The following CRISP1 variants were observed in gnomAD, a reference collection of about 807,000 sequenced individuals.
CRISP1 encodes the protein cysteine rich secretory protein 1, also known as cysteine-rich secretory protein 1.
CRISP1 carries 44 observed loss-of-function variants against 33.1 expected under a neutral mutation model. The observed-to-expected ratio is 1.33, with a 90% CI of 1.05 to 1.71. The LOEUF (loss-of-function observed/expected upper bound fraction) is 1.71. Ranked by LOEUF, CRISP1 falls within the 40% of genes most tolerant of loss-of-function variation. The pLI, the probability that CRISP1 is intolerant of heterozygous loss-of-function variation, is 0.00. For synonymous variants in CRISP1, 103 were observed against 98.7 expected, an observed-to-expected ratio of 1.04 and a Z score of -0.26; for missense variants, 390 against 301.2, an observed-to-expected ratio of 1.29 and a Z score of -2.18.
chr6:49,864,392 GTGT>G (rs1771742399), intron 1 of CRISP1, among the ~76,000 whole-genome samples: 1 of 148,076 alleles, frequency 6.8e-6, no homozygotes, highest in Non-Finnish European at 1.5e-5. Context: ...CACTGTGTGT[GTGT>G]GTGTGTGTGT....
chr6:49,842,374 T>C (rs1358749789), intron 5 of CRISP1, among the ~76,000 whole-genome samples: 1 of 152,208 alleles, frequency 6.6e-6, no homozygotes, highest in Non-Finnish European at 1.5e-5. Context: ...TCTATATTAA[T>C]TGGTAATAAG....
upstream of CRISP1, among the ~76,000 whole-genome samples, chr6:49,869,549 C>T (rs1008333610): frequency 6.6e-6 from 1 of 152,162 alleles, no homozygotes; most frequent in African/African-American, 2.4e-5. Flanking sequence ...ATCATACACT[C>T]CTACCCCTAA....
At chr6:49,864,334 A>G (rs1771738897) in intron 1 of CRISP1, among the ~76,000 whole-genome samples, 1 of 151,690 alleles carries the variant, frequency 6.6e-6, no homozygotes, top group African/African-American at 2.4e-5. Context: ...TATAAATAAA[A>G]CTATGAACAT....
chr6:49,854,985 T>C (rs956498151), intron 2 of CRISP1, among the ~76,000 whole-genome samples: 3 of 152,186 alleles, frequency 2.0e-5, no homozygotes, highest in Admixed American at 1.3e-4. Context: ...TTAAAATCCC[T>C]GACAAGCTCA....
At chr6:49,863,452 C>A (rs1054140140) in intron 1 of CRISP1, among the ~76,000 whole-genome samples, 4 of 152,166 alleles carry the variant, frequency 2.6e-5, no homozygotes, top group African/African-American at 9.6e-5. Context: ...ACTTCATTGG[C>A]TTTAGCATCA....
At chr6:49,845,712 A>AC (rs1561941620) in intron 5 of CRISP1, among the ~76,000 whole-genome samples, 1 of 151,910 alleles carries the variant, frequency 6.6e-6, no homozygotes, top group Non-Finnish European at 1.5e-5. Flanking sequence ...ATAGCCAAAA[A>AC]AAAAAATGGA....
chr6:49,854,662 T>G (rs984464887), intron 2 of CRISP1, among the ~76,000 whole-genome samples: 4 of 152,226 alleles, frequency 2.6e-5, no homozygotes, highest in Middle Eastern at 6.3e-3. Context: ...TCGCCAACTC[T>G]GGCTGTCTAC....
At chr6:49,837,074 T>A (rs571024402) in intron 7 of CRISP1, among the ~76,000 whole-genome samples, 8 of 152,236 alleles carry the variant, frequency 5.3e-5, no homozygotes, top group Middle Eastern at 3.4e-3. Flanking sequence ...TTAATTTATA[T>A]ACTTTCCTAA....
intron 6 of CRISP1, among the ~76,000 whole-genome samples, chr6:49,839,879 A>T (rs938026402): frequency 3.3e-5 from 5 of 152,210 alleles, no homozygotes; most frequent in African/African-American, 4.8e-5. Context: ...ACTCTGAATC[A>T]ATAGTGATAG....
At chr6:49,850,954 T>A (rs1389213829) in intron 3 of CRISP1, among the ~76,000 whole-genome samples, 1 of 152,090 alleles carries the variant, frequency 6.6e-6, no homozygotes, top group African/African-American at 2.4e-5. Context: ...GCTACTCAAT[T>A]TTTCTTAGGT....
chr6:49,849,953 T>C (rs1490717817), intron 3 of CRISP1, among the ~76,000 whole-genome samples: 5 of 152,128 alleles, frequency 3.3e-5, no homozygotes, highest in African/African-American at 7.2e-5. Flanking sequence ...TACCAGTGTA[T>C]AGCCTCTCTG....
chr6:49,858,424 C>T (rs1193498575), intron 1 of CRISP1, among the ~76,000 whole-genome samples: 1 of 152,146 alleles, frequency 6.6e-6, no homozygotes, highest in Non-Finnish European at 1.5e-5. Flanking sequence ...TTTTAAAGAG[C>T]AAGTTAACAA....
intron 2 of CRISP1, among the ~76,000 whole-genome samples, chr6:49,852,582 C>T (rs1481148074): frequency 6.6e-6 from 1 of 152,208 alleles, no homozygotes; most frequent in Admixed American, 6.6e-5. Context: ...TCTGGGGTAA[C>T]CCAAACTAAG....
chr6:49,835,853 A>T (rs955089198), intron 7 of CRISP1, among the ~76,000 whole-genome samples: 1 of 152,228 alleles, frequency 6.6e-6, no homozygotes, highest in Non-Finnish European at 1.5e-5. Context: ...TGTATAGCCA[A>T]TGGAAAATGG....
At chr6:49,875,615 A>G (rs1322535996) in intron 1 of CRISP1, among the ~76,000 whole-genome samples, 1 of 152,142 alleles carries the variant, frequency 6.6e-6, no homozygotes, top group Non-Finnish European at 1.5e-5. Context: ...TAAAGAACAA[A>G]GCTGGAGGCA....
In CRISP1 at chr6:49,838,676, A is replaced by G. The variant is rs866715799; in HGVS notation, c.534-151T>C. 45 of 593,828 alleles carry G rather than the reference A, an allele frequency of 7.6e-5. No individual in the cohort carries two copies. In the African/African-American group the frequency reaches 7.6e-4, roughly 10 times the overall value. 36.8% of individuals were successfully genotyped at this position (593,828 alleles called of 1,614,324 possible). A position where few individuals can be genotyped will look rare whatever the true frequency, so the allele number is the denominator to read the frequency against. On this transcript the variant is annotated intron_variant, in intron 6 of 7. Coordinates refer to ENST00000335847, the MANE Select transcript of CRISP1 (RefSeq NM_001131.3). ...TTTTAAGATGGGTGTGAGATTTCCA[A>G]TCTTACAGCTATAATATTTTTTAGC...
chr6:49,873,287 G>A (rs1393799829), intron 1 of CRISP1, among the ~76,000 whole-genome samples: 3 of 152,046 alleles, frequency 2.0e-5, no homozygotes, highest in South Asian at 2.1e-4. Flanking sequence ...CAAAATATGT[G>A]TCTGGAAGGA....
chr6:49,868,173 G>C (rs72863148), upstream of CRISP1, among the ~76,000 whole-genome samples: 1 of 152,118 alleles, frequency 6.6e-6, no homozygotes, highest in Non-Finnish European at 1.5e-5. Context: ...GGTTTTAAAA[G>C]AATTTGGGAA....
chr6:49,838,382 A>G (rs930165326), intron 7 of CRISP1, 55 bp downstream of exon 7: 1 of 1,235,180 alleles, frequency 8.1e-7, no homozygotes, highest in South Asian at 1.3e-5. Flanking sequence ...TAAAGGATGT[A>G]TGGTTCCCAG....
Sources: gnomAD v4.1 joint callset for allele counts (sites outside exome capture counted in the v4.1 genomes callset) on GRCh38, gnomAD v4.1.1 for gene constraint, MANE v1.5 for transcripts, NCBI Gene and HGNC (gene_info 2026-07-23, HGNC 2026-07-21) for gene names.